ZNF148: variants seen among roughly 807,000 people sequenced by gnomAD.
ZNF148 encodes the protein Beta-Enolase Repressor Factor-1.
Under a neutral mutation model 67.7 loss-of-function variants are expected in ZNF148, and 7 were observed. The ratio of observed to expected loss-of-function variants is 0.10; its 90% CI spans 0.06 to 0.19. ZNF148 has a LOEUF of 0.19. Ranked by LOEUF, ZNF148 falls within the 10% of genes least tolerant of loss-of-function variation. The probability of loss-of-function intolerance (pLI) is 1.00; values close to 1 mark genes in which losing one functional copy is unlikely to be tolerated. For synonymous variants in ZNF148, 333 were observed against 330.7 expected, an observed-to-expected ratio of 1.01 and a Z score of -0.08; for missense variants, 583 against 947.1, an observed-to-expected ratio of 0.62 and a Z score of 5.05.
intron 7 of ZNF148, among the ~76,000 whole-genome samples, chr3:125,243,669 T>C (rs970899711): frequency 3.9e-5 from 6 of 152,090 alleles, no homozygotes; most frequent in Admixed American, 3.9e-4. Context: ...ACCACAGGCA[T>C]GCACCACCAT....
At chr3:125,366,952 A>C (rs1559786529) in intron 1 of ZNF148, among the ~76,000 whole-genome samples, 1 of 152,244 alleles carries the variant, frequency 6.6e-6, no homozygotes, top group Non-Finnish European at 1.5e-5. Flanking sequence ...TCTGCCTTTT[A>C]AATTCAGTAA....
chr3:125,322,441 T>G (rs1385318924), intron 3 of ZNF148, among the ~76,000 whole-genome samples: 1 of 152,046 alleles, frequency 6.6e-6, no homozygotes, highest in Non-Finnish European at 1.5e-5. Context: ...TATGGCTGCC[T>G]AGGTCAGAGT....
At position 125,230,038 on chromosome 3, in the gene ZNF148, A is replaced by G. The variant is rs1935788563; in HGVS notation, c.*2303T>C. 6.6e-6 allele frequency: 1 copy of G among 152,508 alleles called. No homozygotes were observed. Among genetic ancestry groups the G allele is most frequent in the African/African-American group, 2.4e-5 (1 of 41,420 alleles). The allele number at this position is 152,508 out of a possible 1,614,324, so 9.4% of individuals were successfully genotyped here. ...AATGTGTTGAAAACAGGAATGCAAC[A>G]CCTGAAAGTCTGCTTGCATAACTAC... On this transcript the variant is annotated 3_prime_UTR_variant, in exon 9 of 9. Coordinates refer to ENST00000360647, the MANE Select transcript of ZNF148 (RefSeq NM_021964.3).
chr3:125,241,798 C>T (rs1936377381), intron 7 of ZNF148, among the ~76,000 whole-genome samples: 1 of 152,160 alleles, frequency 6.6e-6, no homozygotes, highest in Admixed American at 6.5e-5. Context: ...ACAAATAAAA[C>T]ATATGTTCAT....
rs944823619 is a variant in ZNF148 at position 125,233,584 on chromosome 3, G to A, written c.1142C>T (p.Ala381Val). 1.2e-5 allele frequency: 19 copies of A among 1,613,666 alleles called. No homozygotes were observed. In the Admixed American group the frequency reaches 1.7e-4, roughly 14 times the overall value. ...CTTAGGTGGGTGTATTTCTCCTGAC[G>A]CATCTTCTAAATGCGAGCCCCCAAC... is the stretch of plus-strand genomic sequence containing the variant. ...SSVGGSHLED[A>V]SGEIHPPKLV... The change falls in exon 9 of 9, where the codon GCG becomes GTG. Residue 381 changes from alanine to valine, a missense_variant. This residue lies in a region of ZNF148 where 172 missense variants were observed against 307.7 expected (regional missense o/e 0.56). Transcript: ENST00000360647. The surrounding 1 kb of genome is among the most constrained non-coding windows in gnomAD (Gnocchi z 5.1).
chr3:125,281,593 C>T (rs1031738721), intron 5 of ZNF148, among the ~76,000 whole-genome samples: 39 of 152,122 alleles, frequency 2.6e-4, no homozygotes, highest in African/African-American at 7.5e-4. Flanking sequence ...TAATGTGAAA[C>T]GGATGTAATC....
chr3:125,252,467 T>C (rs1198034501), intron 7 of ZNF148, among the ~76,000 whole-genome samples: 1 of 152,108 alleles, frequency 6.6e-6, no homozygotes, highest in Non-Finnish European at 1.5e-5. Context: ...TTTTTCCCCC[T>C]AGACCTAGCA....
intron 7 of ZNF148, among the ~76,000 whole-genome samples, chr3:125,265,673 C>A (rs1465544952): frequency 3.9e-5 from 6 of 152,138 alleles, no homozygotes; most frequent in Non-Finnish European, 7.4e-5. Context: ...GTGGGCAAGA[C>A]CATATATGAT....
intron 7 of ZNF148, among the ~76,000 whole-genome samples, chr3:125,276,286 G>A (rs1303888670): frequency 1.3e-5 from 2 of 152,036 alleles, no homozygotes; most frequent in East Asian, 3.8e-4. Flanking sequence ...ACAGTGCCTA[G>A]TATAGCCCCT....
intron 1 of ZNF148, chr3:125,338,745 T>C (rs1444817197): frequency 1.4e-5 from 2 of 144,676 alleles, no homozygotes; most frequent in Non-Finnish European, 3.0e-5. Context: ...TATAATTAAA[T>C]ATGGTCATTT....
intron 3 of ZNF148, among the ~76,000 whole-genome samples, chr3:125,315,329 A>G (rs570340842): frequency 1.3e-5 from 2 of 152,262 alleles, no homozygotes; most frequent in South Asian, 4.1e-4. Context: ...CAATAAACTG[A>G]CAGGAACACT....
In ZNF148 at chr3:125,301,885, G is replaced by A. The variant is rs1260858329; in HGVS notation, c.333+11423C>T. Among the ~76,000 whole-genome samples the A allele has an allele frequency of 2.6e-5, 4 of 152,044 alleles. No individual in the cohort carries two copies. In the East Asian group the frequency reaches 7.7e-4, roughly 29 times the overall value. On this transcript the variant is annotated intron_variant, in intron 4 of 8. Coordinates refer to ENST00000360647, the MANE Select transcript of ZNF148 (RefSeq NM_021964.3). Reference sequence around the variant, plus strand: ...TCAAGACCAGCCTGGCCAACATGGTGAAACACTGTCTCTATTAAAAATACA... The same window carrying A: ...TCAAGACCAGCCTGGCCAACATGGTAAAACACTGTCTCTATTAAAAATACA...
intron 1 of ZNF148, among the ~76,000 whole-genome samples, chr3:125,332,013 A>G (rs1372293351): frequency 6.6e-6 from 1 of 152,220 alleles, no homozygotes. Context: ...TCCTAATACA[A>G]GTTTAGGGAT....
At chr3:125,302,346 C>G (rs1326701352) in intron 4 of ZNF148, among the ~76,000 whole-genome samples, 1 of 151,292 alleles carries the variant, frequency 6.6e-6, no homozygotes, top group Admixed American at 6.6e-5. Context: ...CCACTGCACT[C>G]CAGCCTGGGT....
At chr3:125,289,361 G>A (rs1053115683) in intron 4 of ZNF148, among the ~76,000 whole-genome samples, 74 of 152,304 alleles carry the variant, frequency 4.9e-4, no homozygotes, top group African/African-American at 1.7e-3. Context: ...AAGTTCTCAT[G>A]AATTCCTGAA....
chr3:125,293,437 C>T (rs566958425), intron 4 of ZNF148, among the ~76,000 whole-genome samples: 37 of 152,180 alleles, frequency 2.4e-4, no homozygotes, highest in South Asian at 8.3e-4. Context: ...GCATCCAGAA[C>T]TTAGTTTCTA....
At chr3:125,293,788 G>A (rs531824630) in intron 4 of ZNF148, among the ~76,000 whole-genome samples, 23 of 151,910 alleles carry the variant, frequency 1.5e-4, no homozygotes, top group African/African-American at 4.8e-4. Context: ...GAAGGAATGC[G>A]GAAAAGACAA....
chr3:125,372,698 T>C (rs1014312252), intron 1 of ZNF148, among the ~76,000 whole-genome samples: 4 of 152,236 alleles, frequency 2.6e-5, no homozygotes, highest in Admixed American at 6.5e-5. Flanking sequence ...CCGAGCACAG[T>C]GGCTCACGCC....
At chr3:125,308,526 T>TAAAAAAAAAAAAAAAAAAAAATAAAAAA (rs202081671) in intron 4 of ZNF148, among the ~76,000 whole-genome samples, 1 of 40,486 alleles carries the variant, frequency 2.5e-5, no homozygotes, top group Non-Finnish European at 5.5e-5. Context: ...GACTTTTCTA[T>TAAAAAAAAAAAAAAAAAAAAATAAAAAA]AAAAAAAAAA....
Sources: allele counts gnomAD v4.1 joint callset (sites outside exome capture counted in the v4.1 genomes callset), GRCh38; gene constraint gnomAD v4.1.1; regional missense constraint gnomAD v4.1.1; non-coding constraint Gnocchi (gnomAD v3.1); transcripts MANE v1.5; gene names NCBI Gene and HGNC (gene_info 2026-07-23, HGNC 2026-07-21).